OSTN: variants seen among roughly 807,000 people sequenced by gnomAD.
The protein encoded by OSTN is osteocrin.
Under a neutral mutation model 12.0 loss-of-function variants are expected in OSTN, and 9 were observed. The observed-to-expected ratio is 0.75, with a 90% CI of 0.45 to 1.30. The LOEUF (loss-of-function observed/expected upper bound fraction) is 1.30, where lower values mean the gene tolerates loss of function less well. Among genes scored for constraint, OSTN ranks in the 50% most tolerant of loss-of-function variants. OSTN has a pLI of 0.00. For synonymous variants in OSTN, 59 were observed against 56.9 expected (o/e 1.04, Z -0.16); for missense variants, 148 against 152.3 (o/e 0.97, Z 0.15).
chr3:191,212,619 T>C lies in OSTN; in HGVS notation c.87T>C (p.Asp29=), dbSNP rs748926865. The C allele has an allele frequency of 9.0e-6, 14 of 1,561,686 alleles. 1 individual carries two copies. The highest frequency in any genetic ancestry group is 1.2e-5 in the Non-Finnish European group (14 of 1,146,372). The change falls in exon 2 of 5, where the codon GAT becomes GAC. Residue 29 remains aspartate (D), a synonymous_variant. Coordinates refer to ENST00000682035, the MANE Select transcript of OSTN (RefSeq NM_198184.2). ...LWSSGKVLSV[D]VTTTEAFDSG... is the part of the protein sequence containing the mutation. ...GCTCAGGAAAAGTCCTCTCAGTAGA[T>C]GTAACAACAACAGAGGTAATGGAAA...
intron 4 of OSTN, among the ~76,000 whole-genome samples, chr3:191,262,433 A>C (rs1436425689): frequency 1.3e-5 from 2 of 152,212 alleles, no homozygotes; most frequent in Non-Finnish European, 2.9e-5. Flanking sequence ...ATATGGTTGG[A>C]TTCTTGGTAG....
intron 3 of OSTN, among the ~76,000 whole-genome samples, chr3:191,227,389 A>G (rs1459134200): frequency 6.6e-6 from 1 of 152,190 alleles, no homozygotes; most frequent in African/African-American, 2.4e-5. Context: ...TGCTGATTGG[A>G]GTGCAAAATG....
rs534215323 is a variant in OSTN at position 191,236,637 on chromosome 3, A to G, written c.318-13400A>G. Among the ~76,000 whole-genome samples, 12 of 152,208 alleles carry G rather than the reference A, an allele frequency of 7.9e-5. No individual in the cohort carries two copies. In the East Asian group the frequency reaches 2.3e-3, roughly 29 times the overall value. ...AATCTTTGTATAACTACTGTCTTCC[A>G]CAATAATTTATATTATTATCTTTAA... On this transcript the variant is annotated intron_variant, in intron 3 of 4. Coordinates refer to ENST00000682035, the MANE Select transcript of OSTN (RefSeq NM_198184.2).
At chr3:191,257,382 G>A (rs1715697514) in intron 4 of OSTN, among the ~76,000 whole-genome samples, 1 of 151,990 alleles carries the variant, frequency 6.6e-6, no homozygotes, top group Admixed American at 6.6e-5. Flanking sequence ...AATCTAGGAA[G>A]TAGGTAATTT....
intron 3 of OSTN, among the ~76,000 whole-genome samples, chr3:191,236,299 ATCTC>A (rs1201396113): frequency 6.6e-6 from 1 of 152,198 alleles, no homozygotes. Context: ...TTTTTTAAAA[ATCTC>A]TATCACACAC....
chr3:191,211,865 T>C (rs1290509574), intron 1 of OSTN, among the ~76,000 whole-genome samples: 1 of 152,180 alleles, frequency 6.6e-6, no homozygotes, highest in Non-Finnish European at 1.5e-5. Flanking sequence ...ATTTACATTT[T>C]CCAAATGCTG....
chr3:191,206,018 C>G (rs562906090), intron 1 of OSTN, among the ~76,000 whole-genome samples: 3 of 152,206 alleles, frequency 2.0e-5, no homozygotes, highest in Admixed American at 2.0e-4. Flanking sequence ...AACCCTGTCT[C>G]TAGTAAAAAT....
At chr3:191,219,093 TA>T in intron 3 of OSTN, 132 bp downstream of exon 3, 2 of 811,802 alleles carry the variant, frequency 2.5e-6, no homozygotes, top group Non-Finnish European at 1.9e-6. Context: ...GTATGTTAGC[TA>T]ATCTGTAGGT....
intron 3 of OSTN, among the ~76,000 whole-genome samples, chr3:191,236,469 T>C (rs978393186): frequency 6.6e-6 from 1 of 151,558 alleles, no homozygotes; most frequent in Non-Finnish European, 1.5e-5. Context: ...GCCTACTCCA[T>C]AGAGAGTAGG....
Position 191,246,538 on chromosome 3 carries a change from G to A in OSTN, c.318-3499G>A, listed in dbSNP as rs535289129. Among the ~76,000 whole-genome samples, 14 of 151,364 alleles carry A rather than the reference G, an allele frequency of 9.2e-5. No homozygotes were observed. In the East Asian group the frequency reaches 9.7e-4, roughly 10 times the overall value. ...GGAGAATTGCTTGAGCCCAGGAGGC[G>A]AAGGTTGCAGAAGCTGAGATGGTGC... On this transcript the variant is annotated intron_variant, in intron 3 of 4. Transcript: ENST00000682035.
intron 4 of OSTN, among the ~76,000 whole-genome samples, chr3:191,253,117 T>C (rs1007901835): frequency 6.6e-6 from 1 of 152,222 alleles, no homozygotes; most frequent in Non-Finnish European, 1.5e-5. Context: ...TTTTCATTGT[T>C]GGATGCTAAA....
At chr3:191,219,484 G>C (rs1205480236) in intron 3 of OSTN, among the ~76,000 whole-genome samples, 1 of 152,096 alleles carries the variant, frequency 6.6e-6, no homozygotes, top group Non-Finnish European at 1.5e-5. Flanking sequence ...CTGATCCTCA[G>C]CTTATTTATG....
At chr3:191,223,224 AATAGCC>A (rs1481713990) in intron 3 of OSTN, among the ~76,000 whole-genome samples, 1 of 152,202 alleles carries the variant, frequency 6.6e-6, no homozygotes, top group African/African-American at 2.4e-5. Context: ...GCAAGCGTTT[AATAGCC>A]ATCTGAACAG....
Position 191,262,969 on chromosome 3 carries a change from A to T in OSTN, c.*116A>T. On this transcript the variant is annotated 3_prime_UTR_variant, in exon 5 of 5. Coordinates refer to ENST00000682035, the MANE Select transcript of OSTN (RefSeq NM_198184.2). ...ACTTTTAAGGAACTGACCTTCTGCA[A>T]ATCCTTTCCAAAGCTTGAACTTCAG... 2 of 677,702 alleles carry T rather than the reference A, an allele frequency of 3.0e-6. No homozygotes were observed. Among genetic ancestry groups the T allele is most frequent in the Non-Finnish European group, 5.4e-6 (2 of 369,116 alleles). The allele number at this position is 677,702 out of a possible 1,614,324, so 42.0% of individuals were successfully genotyped here. A position where few individuals can be genotyped will look rare whatever the true frequency, so the allele number is the denominator to read the frequency against.
intron 3 of OSTN, among the ~76,000 whole-genome samples, chr3:191,248,238 T>C (rs78223753): frequency 0.067 from 10,181 of 152,272 alleles, 493 homozygotes; most frequent in Middle Eastern, 0.23. Flanking sequence ...CTCTACTATT[T>C]ACGTTAAATC....
chr3:191,262,880 G>A lies in OSTN; in HGVS notation c.*27G>A, dbSNP rs763511722. ...CGTTTTTGCAGATGCAACTTCCTTG[G>A]GTGAAATGTCACAGCAATATGGAAG... On this transcript the variant is annotated 3_prime_UTR_variant, in exon 5 of 5. Coordinates refer to ENST00000682035, the MANE Select transcript of OSTN (RefSeq NM_198184.2). 65 of 701,854 alleles carry A rather than the reference G, an allele frequency of 9.3e-5. No individual in the cohort carries two copies. Among genetic ancestry groups the A allele is most frequent in the Non-Finnish European group, 6.2e-5 (24 of 384,434 alleles). 43.5% of individuals were successfully genotyped at this position (701,854 alleles called of 1,614,324 possible).
At chr3:191,221,686 G>C (rs926309095) in intron 3 of OSTN, among the ~76,000 whole-genome samples, 1 of 152,150 alleles carries the variant, frequency 6.6e-6, no homozygotes, top group African/African-American at 2.4e-5. Flanking sequence ...ATAAAAGTTT[G>C]AAAAATTTGC....
Position 191,260,204 on chromosome 3 carries a change from A to AT in OSTN, c.*13-2650dup, listed in dbSNP as rs1310827618. On this transcript the variant is annotated intron_variant, in intron 4 of 4. Transcript: ENST00000682035. Reference sequence around the variant, plus strand: ...AATTGTTTGGTGTAAGATATCTCTAATTTTTTTTTTTTAATTTAGGAATTT... The same window carrying AT: ...AATTGTTTGGTGTAAGATATCTCTAATTTTTTTTTTTTTAATTTAGGAATTT... 4.5e-3 allele frequency among the ~76,000 whole-genome samples: 667 copies of AT among 146,652 alleles called. 6 individuals carry two copies. Among genetic ancestry groups the AT allele is most frequent in the African/African-American group, 0.015 (595 of 40,186 alleles).
At chr3:191,233,689 C>A (rs1715116996) in intron 3 of OSTN, among the ~76,000 whole-genome samples, 1 of 152,132 alleles carries the variant, frequency 6.6e-6, no homozygotes, top group Non-Finnish European at 1.5e-5. Context: ...CTGACTGACT[C>A]TTTAACATTA....
Sources: gnomAD v4.1 joint callset for allele counts (sites outside exome capture counted in the v4.1 genomes callset) on GRCh38, gnomAD v4.1.1 for gene constraint, MANE v1.5 for transcripts, NCBI Gene and HGNC (gene_info 2026-07-23, HGNC 2026-07-21) for gene names.